The following MSRA variants were observed in gnomAD, a reference collection of about 807,000 sequenced individuals.
MSRA encodes the protein mitochondrial peptide methionine sulfoxide reductase.
In MSRA, 54 loss-of-function variants were observed where a neutral mutation model predicts 31.3. That is an observed-to-expected ratio of 1.73 (90% confidence interval 1.39 to 2.17). MSRA has a LOEUF of 2.17. Ranked by LOEUF, MSRA falls within the 30% of genes most tolerant of loss-of-function variation. The pLI, the probability that MSRA is intolerant of heterozygous loss-of-function variation, is 0.00. For missense variants in MSRA, 507 were observed against 300.9 expected (o/e 1.69, Z -5.07); for synonymous variants, 169 against 116.5 (o/e 1.45, Z -2.90).
chr8:10,141,249 C>T (rs899243389), intron 1 of MSRA, among the ~76,000 whole-genome samples: 8 of 152,168 alleles, frequency 5.3e-5, no homozygotes, highest in African/African-American at 1.7e-4. Flanking sequence ...TCGCCCCTCA[C>T]GCCTTATAAT....
intron 2 of MSRA, among the ~76,000 whole-genome samples, chr8:10,230,244 T>C (rs1334588310): frequency 6.6e-6 from 1 of 152,152 alleles, no homozygotes; most frequent in Non-Finnish European, 1.5e-5. Flanking sequence ...TTAAGGGGGT[T>C]TGGACATGCT....
chr8:10,250,167 C>T (rs1319808989), intron 3 of MSRA, among the ~76,000 whole-genome samples: 1 of 152,174 alleles, frequency 6.6e-6, no homozygotes, highest in Admixed American at 6.5e-5. Context: ...AACTGATTAA[C>T]TGGCATGCTG....
chr8:10,159,600 G>A (rs1410016723), intron 1 of MSRA, among the ~76,000 whole-genome samples: 2 of 152,210 alleles, frequency 1.3e-5, no homozygotes, highest in Non-Finnish European at 2.9e-5. Context: ...GAAATTTGTT[G>A]CAGGATAACA....
intron 1 of MSRA, among the ~76,000 whole-genome samples, chr8:10,111,746 C>G (rs966245565): frequency 6.6e-6 from 1 of 152,168 alleles, no homozygotes; most frequent in Non-Finnish European, 1.5e-5. Context: ...GATTGAATAT[C>G]AGTTTTTAGA....
In MSRA at chr8:10,096,348, C is replaced by G. The variant is rs759028859; in HGVS notation, c.142+41690C>G. Reference sequence around the variant, plus strand: ...GCTTGGTCATTATTTTTTTGTGTGTCTTTGCTCTGAACCATTTTTGGGAGG... The same window carrying G: ...GCTTGGTCATTATTTTTTTGTGTGTGTTTGCTCTGAACCATTTTTGGGAGG... On this transcript the variant is annotated intron_variant, in intron 1 of 5. Coordinates refer to ENST00000317173, the MANE Select transcript of MSRA (RefSeq NM_012331.5). 156 of 1,035,024 alleles carry G rather than the reference C, an allele frequency of 1.5e-4. 1 individual carries two copies. Among genetic ancestry groups the G allele is most frequent in the Non-Finnish European group, 1.0e-4 (88 of 862,392 alleles). 64.1% of individuals were successfully genotyped at this position (1,035,024 alleles called of 1,614,324 possible).
intron 2 of MSRA, among the ~76,000 whole-genome samples, chr8:10,234,452 C>G (rs994525592): frequency 6.6e-6 from 1 of 151,652 alleles, no homozygotes; most frequent in African/African-American, 2.4e-5. Context: ...ACTAGAAGAA[C>G]AGATTTTTTT....
At chr8:10,233,998 C>T (rs181260375) in intron 2 of MSRA, among the ~76,000 whole-genome samples, 37 of 152,154 alleles carry the variant, frequency 2.4e-4, no homozygotes, top group African/African-American at 6.0e-4. Flanking sequence ...TGCCAATGAT[C>T]GTGAGAAGAC....
At chr8:10,343,902 T>C (rs532984866) in intron 5 of MSRA, among the ~76,000 whole-genome samples, 2 of 152,322 alleles carry the variant, frequency 1.3e-5, no homozygotes, top group Admixed American at 6.5e-5. Flanking sequence ...TTCAGACATA[T>C]GTGGGTATCA....
At chr8:10,057,983 T>C (rs1306777614) in intron 1 of MSRA, among the ~76,000 whole-genome samples, 2 of 152,254 alleles carry the variant, frequency 1.3e-5, no homozygotes, top group Non-Finnish European at 2.9e-5. Context: ...TGTTTGGGAA[T>C]GAATCTTACC....
At chr8:10,371,209 C>A (rs1215959356) in intron 5 of MSRA, among the ~76,000 whole-genome samples, 1 of 152,108 alleles carries the variant, frequency 6.6e-6, no homozygotes, top group African/African-American at 2.4e-5. Flanking sequence ...GATGTAAGTA[C>A]CAACAGGCAT....
intron 1 of MSRA, among the ~76,000 whole-genome samples, chr8:10,137,514 A>G (rs1006973119): frequency 1.3e-5 from 2 of 152,228 alleles, no homozygotes; most frequent in Non-Finnish European, 2.9e-5. Flanking sequence ...AAATAAGAGA[A>G]TTCAATGAAA....
intron 1 of MSRA, among the ~76,000 whole-genome samples, chr8:10,103,621 C>T (rs1400418916): frequency 6.6e-6 from 1 of 152,102 alleles, no homozygotes; most frequent in Non-Finnish European, 1.5e-5. Context: ...TTAGTTTCTC[C>T]AGACACATGA....
intron 1 of MSRA, among the ~76,000 whole-genome samples, chr8:10,111,617 G>A (rs1054064498): frequency 6.6e-6 from 1 of 152,158 alleles, no homozygotes; most frequent in Non-Finnish European, 1.5e-5. Context: ...CAAAATATAT[G>A]AATGCCTAGG....
chr8:10,157,131 C>G (rs989888312), intron 1 of MSRA, among the ~76,000 whole-genome samples: 16 of 152,036 alleles, frequency 1.1e-4, no homozygotes, highest in Non-Finnish European at 1.9e-4. Context: ...TATGTTCATC[C>G]TCCAGTATCA....
At chr8:10,070,207 C>G (rs1165164357) in intron 1 of MSRA, among the ~76,000 whole-genome samples, 2 of 152,164 alleles carry the variant, frequency 1.3e-5, no homozygotes, top group Non-Finnish European at 2.9e-5. Flanking sequence ...TCCTATGGGT[C>G]TTTGATCTTT....
At chr8:10,283,321 A>G (rs1249888261) in intron 3 of MSRA, among the ~76,000 whole-genome samples, 2 of 152,166 alleles carry the variant, frequency 1.3e-5, no homozygotes, top group Admixed American at 6.5e-5. Flanking sequence ...CTGCCTTCAG[A>G]ACCCTCTTCA....
At chr8:10,100,642 G>T (rs1201567025) in intron 1 of MSRA, among the ~76,000 whole-genome samples, 1 of 152,072 alleles carries the variant, frequency 6.6e-6, no homozygotes, top group Admixed American at 6.5e-5. Context: ...GGAGTTAGGA[G>T]TTTATTCTGA....
chr8:10,319,470 T>G (rs1023615052), intron 4 of MSRA, among the ~76,000 whole-genome samples: 1 of 152,136 alleles, frequency 6.6e-6, no homozygotes, highest in Non-Finnish European at 1.5e-5. Context: ...TTGTCTCATT[T>G]CCTCATCCAC....
intron 1 of MSRA, among the ~76,000 whole-genome samples, chr8:10,115,822 C>G (rs1585181624): frequency 6.6e-6 from 1 of 152,156 alleles, no homozygotes; most frequent in Admixed American, 6.5e-5. Context: ...AGGACACAGT[C>G]CACACTCAAT....
Sources: allele counts gnomAD v4.1 joint callset (sites outside exome capture counted in the v4.1 genomes callset), GRCh38; gene constraint gnomAD v4.1.1; transcripts MANE v1.5; gene names NCBI Gene and HGNC (gene_info 2026-07-23, HGNC 2026-07-21).